Variants in SBF2 observed in about 807,000 individuals in gnomAD.
The protein encoded by SBF2 is SET binding factor 2.
In SBF2, 112 loss-of-function variants were observed where a neutral mutation model predicts 225.2. The observed-to-expected ratio is 0.50, with a 90% CI of 0.43 to 0.58. The LOEUF is 0.58. Among genes scored for constraint, SBF2 ranks in the 20% least tolerant of loss-of-function variants. SBF2 has a pLI of 0.00. For missense variants in SBF2, 1,996 were observed against 2,206.2 expected (o/e 0.90, Z 1.91); for synonymous variants, 763 against 773.3 (o/e 0.99, Z 0.22).
At chr11:10,187,479 C>T (rs1307143987) in intron 2 of SBF2, among the ~76,000 whole-genome samples, 3 of 152,194 alleles carry the variant, frequency 2.0e-5, no homozygotes, top group African/African-American at 7.2e-5. Flanking sequence ...CCCCTGCCTT[C>T]GCTCATCTCC....
rs375835119 is a variant in SBF2, at chr11:9,878,180, C to G, written c.1929+17763G>C. On this transcript the variant is annotated intron_variant, in intron 17 of 39. Transcript: ENST00000256190. ...GAGCATTTTTTCATGTGTCTGTTGG[C>G]TGCATAAATGTCTTCTTTTGAGAAG... is the stretch of plus-strand genomic sequence containing the variant. Among the ~76,000 whole-genome samples the G allele has an allele frequency of 3.7e-4, 56 of 152,316 alleles. No individual in the cohort carries two copies. The South Asian group carries it at 4.8e-3, about 13-fold the overall frequency.
At chr11:10,183,224 A>G (rs1956806491) in intron 2 of SBF2, among the ~76,000 whole-genome samples, 1 of 152,144 alleles carries the variant, frequency 6.6e-6, no homozygotes, top group South Asian at 2.1e-4. Context: ...CTCCCTTTCT[A>G]GGTGAAAGCG....
rs1851931759 is a variant in SBF2 at position 9,780,457 on chromosome 11, T to C, written c.5511A>G (p.Gln1837=). ...FCAQDGQSAQ[Q]WMDKIQSCIS... ...TACAACTCTGGATCTTGTCCATCCA[T>C]TGCTGGGCACTCTGTCCATCCTGGG... Residue 1837 remains glutamine (Q), a synonymous_variant, in exon 40 of 40, where the codon CAA becomes CAG. Transcript: ENST00000256190. The C allele has an allele frequency of 6.2e-7, 1 of 1,614,042 alleles. No individual in the cohort carries two copies. Among genetic ancestry groups the C allele is most frequent in the Non-Finnish European group, 8.5e-7 (1 of 1,180,042 alleles).
chr11:10,173,022 T>C (rs532691743), intron 2 of SBF2, among the ~76,000 whole-genome samples: 3 of 152,354 alleles, frequency 2.0e-5, no homozygotes, highest in East Asian at 1.9e-4. Flanking sequence ...CAGCATATTG[T>C]TTAATTTCCA....
intron 2 of SBF2, among the ~76,000 whole-genome samples, chr11:10,123,485 A>T (rs1447271305): frequency 6.6e-6 from 1 of 152,218 alleles, no homozygotes; most frequent in East Asian, 1.9e-4. Flanking sequence ...AGAGAATGTG[A>T]TATTTAAGTT....
Position 10,042,876 on chromosome 11 carries a change from G to C in SBF2, c.247C>G (p.Leu83Val), listed in dbSNP as rs772236677. The C allele has an allele frequency of 6.2e-7, 1 of 1,614,006 alleles. No homozygotes were observed. Among genetic ancestry groups the C allele is most frequent in the South Asian group, 1.1e-5 (1 of 91,088 alleles). The part of the protein sequence containing the change: ...IDSDRHYCSC[L>V]TFYEAEINLQ... ...TTGATCTCTGCCTCATAGAAGGTTA[G>C]GCATGAGCAGTAATGTCGATCTGAG... The change falls in exon 3 of 40, where the codon CTA (leucine) becomes GTA (valine). Residue 83 changes from leucine to valine, a missense_variant. By Grantham distance (32) the Leu-to-Val change is conservative (BLOSUM62 1). Transcript: ENST00000256190.
intron 2 of SBF2, among the ~76,000 whole-genome samples, chr11:10,113,395 A>G (rs1952973822): frequency 6.6e-6 from 1 of 152,378 alleles, no homozygotes; most frequent in Non-Finnish European, 1.5e-5. Context: ...ATAATAAAAT[A>G]TAAAAATATA....
intron 16 of SBF2, among the ~76,000 whole-genome samples, chr11:9,955,833 A>T (rs747427041): frequency 6.6e-6 from 1 of 150,994 alleles, no homozygotes; most frequent in Non-Finnish European, 1.5e-5. Context: ...CCGCAGAGGT[A>T]ATTTTCTTAA....
In SBF2 at chr11:10,227,018, T is replaced by G. The variant is rs182897459; in HGVS notation, c.56-33031A>C. Among the ~76,000 whole-genome samples, 674 of 152,364 alleles carry G rather than the reference T, an allele frequency of 4.4e-3. 6 individuals are homozygous for G. Among genetic ancestry groups the G allele is most frequent in the African/African-American group, 0.015 (634 of 41,578 alleles). On this transcript the variant is annotated intron_variant, in intron 1 of 39. Coordinates refer to ENST00000256190, the MANE Select transcript of SBF2 (RefSeq NM_030962.4). Reference sequence around the variant, plus strand: ...CCTGATTTTTTAATGATTGCCATTCTAACTGGTGTGAGATGGTATTTCATG... The same window carrying G: ...CCTGATTTTTTAATGATTGCCATTCGAACTGGTGTGAGATGGTATTTCATG...
intron 1 of SBF2, among the ~76,000 whole-genome samples, chr11:10,236,413 T>C (rs143840392): frequency 6.6e-6 from 1 of 152,316 alleles, no homozygotes; most frequent in East Asian, 1.9e-4. Flanking sequence ...CTGTGAGCTA[T>C]GATTACACCA....
intron 6 of SBF2, among the ~76,000 whole-genome samples, chr11:10,020,429 G>A (rs759286175): frequency 2.6e-5 from 4 of 152,112 alleles, no homozygotes; most frequent in Non-Finnish European, 5.9e-5. Flanking sequence ...GAGGAGAAAT[G>A]CAACCACCCA....
intron 1 of SBF2, among the ~76,000 whole-genome samples, chr11:10,196,866 A>ATTTTTTTTTTTTT (rs1555073581): frequency 1.4e-4 from 14 of 99,280 alleles, no homozygotes; most frequent in Non-Finnish European, 2.6e-4. Flanking sequence ...ATATATATAT[A>ATTTTTTTTTTTTT]TTTTTTTTTT....
At chr11:10,236,114 A>G (rs982418419) in intron 1 of SBF2, among the ~76,000 whole-genome samples, 3 of 152,150 alleles carry the variant, frequency 2.0e-5, no homozygotes, top group Non-Finnish European at 2.9e-5. Flanking sequence ...ATAACCAGAA[A>G]GTACAAATGA....
chr11:9,809,281 C>T lies in SBF2; in HGVS notation c.4156-279G>A, dbSNP rs568599016. 1.0e-4 allele frequency: 37 copies of T among 359,308 alleles called. No individual in the cohort carries two copies. The Admixed American group carries it at 1.6e-3, about 15-fold the overall frequency. The allele number at this position is 359,308 out of a possible 1,614,324, so 22.3% of individuals were successfully genotyped here. A position where few individuals can be genotyped will look rare whatever the true frequency, so the allele number is the denominator to read the frequency against. On this transcript the variant is annotated intron_variant, in intron 30 of 39. Coordinates refer to ENST00000256190, the MANE Select transcript of SBF2 (RefSeq NM_030962.4). ...CGGAGTTCGAGACCAGCCTGGGCAACATAGTAAGACCCCATCTCAATGAAA... is the reference window on the plus strand; with the variant it reads ...CGGAGTTCGAGACCAGCCTGGGCAATATAGTAAGACCCCATCTCAATGAAA...
At chr11:9,813,985 T>C in intron 29 of SBF2, among the ~76,000 whole-genome samples, 1 of 152,198 alleles carries the variant, frequency 6.6e-6, no homozygotes, top group Non-Finnish European at 1.5e-5. Flanking sequence ...GCTTTGTTCA[T>C]TTCTATCTTT....
intron 2 of SBF2, among the ~76,000 whole-genome samples, chr11:10,108,120 G>A (rs188725885): frequency 2.6e-5 from 4 of 152,164 alleles, no homozygotes; most frequent in East Asian, 1.9e-4. Context: ...CTGAGTCTCC[G>A]GATACAGCCA....
At chr11:10,239,472 C>T (rs1959179032) in intron 1 of SBF2, among the ~76,000 whole-genome samples, 1 of 150,552 alleles carries the variant, frequency 6.6e-6, no homozygotes, top group African/African-American at 2.4e-5. Flanking sequence ...GAGATGCTTC[C>T]TTAGCATTCA....
intron 1 of SBF2, among the ~76,000 whole-genome samples, chr11:10,241,859 G>A (rs1959234152): frequency 1.3e-5 from 2 of 151,920 alleles, no homozygotes; most frequent in Admixed American, 6.5e-5. Context: ...TCAGCCTTCA[G>A]CAGATTCCCT....
chr11:9,828,761 A>C (rs755293331), intron 28 of SBF2: 3 of 316,806 alleles, frequency 9.5e-6, no homozygotes, highest in Non-Finnish European at 9.1e-6. Flanking sequence ...ATTTTAATAA[A>C]TACACATTTA....
Sources: gnomAD v4.1 joint callset for allele counts (sites outside exome capture counted in the v4.1 genomes callset) on GRCh38, gnomAD v4.1.1 for gene constraint, MANE v1.5 for transcripts, NCBI Gene and HGNC (gene_info 2026-07-23, HGNC 2026-07-21) for gene names.